DNAH9: variants seen among roughly 807,000 people sequenced by gnomAD.
The protein encoded by DNAH9 is dynein axonemal heavy chain 9.
In DNAH9, 345 loss-of-function variants were observed where a neutral mutation model predicts 471.6. The ratio of observed to expected loss-of-function variants is 0.73; its 90% CI spans 0.67 to 0.80. The LOEUF is 0.80. Ranked by LOEUF, DNAH9 falls within the 30% of genes least tolerant of loss-of-function variation. The pLI is 0.00. For missense variants in DNAH9, 5,407 were observed against 5,609.2 expected (o/e 0.96, Z 1.15); for synonymous variants, 2,093 against 2,123.6 (o/e 0.99, Z 0.40).
chr17:11,859,493 T>C (rs1446301719), intron 50 of DNAH9, among the ~76,000 whole-genome samples: 4 of 152,044 alleles, frequency 2.6e-5, no homozygotes, highest in African/African-American at 7.3e-5. Flanking sequence ...TTCTATTACA[T>C]AGAGGCAGCT....
At chr17:11,963,212 A>C (rs375313607) in intron 68 of DNAH9, among the ~76,000 whole-genome samples, 4 of 152,274 alleles carry the variant, frequency 2.6e-5, no homozygotes, top group African/African-American at 9.6e-5. Flanking sequence ...AGGCGGGCAG[A>C]TCACCTGAGG....
At chr17:11,684,164 T>G (rs2074192241) in intron 19 of DNAH9, among the ~76,000 whole-genome samples, 1 of 152,254 alleles carries the variant, frequency 6.6e-6, no homozygotes, top group Admixed American at 6.5e-5. Flanking sequence ...CCCTGGTACA[T>G]TTCTCTGTGG....
chr17:11,636,298 C>T (rs1597415184), intron 8 of DNAH9, among the ~76,000 whole-genome samples: 1 of 152,222 alleles, frequency 6.6e-6, no homozygotes, highest in East Asian at 1.9e-4. Context: ...GCCACCGCGC[C>T]TGGCCTGTTC....
intron 48 of DNAH9, among the ~76,000 whole-genome samples, chr17:11,834,064 C>T (rs1477492081): frequency 2.0e-5 from 3 of 151,718 alleles, no homozygotes; most frequent in Admixed American, 2.0e-4. Context: ...TGTGGTGGCT[C>T]ATGCCTGTAA....
chr17:11,817,164 G>A (rs1161702682), intron 45 of DNAH9, among the ~76,000 whole-genome samples: 1 of 152,146 alleles, frequency 6.6e-6, no homozygotes, highest in Non-Finnish European at 1.5e-5. Flanking sequence ...ATCCCCTCTG[G>A]CAGTTCAGTT....
intron 39 of DNAH9, 129 bp from the exon 40 acceptor site, chr17:11,783,517 G>A (rs1353915461): frequency 5.5e-5 from 33 of 596,456 alleles, no homozygotes; most frequent in Non-Finnish European, 2.1e-5. Flanking sequence ...CTCAATCCCT[G>A]CCGGTGGATC....
chr17:11,908,343 GAGACACATAGTGA>G, intron 61 of DNAH9, among the ~76,000 whole-genome samples: 1 of 152,146 alleles, frequency 6.6e-6, no homozygotes, highest in Non-Finnish European at 1.5e-5. Context: ...ACATATCAAT[GAGACACATAGTGA>G]AGTTTCCATT....
At chr17:11,665,948 A>G (rs191074999) in intron 15 of DNAH9, among the ~76,000 whole-genome samples, 300 of 152,316 alleles carry the variant, frequency 2.0e-3, no homozygotes, top group Middle Eastern at 6.8e-3. Flanking sequence ...TGTAGCCCCA[A>G]TGGCCATCCC....
chr17:11,812,245 C>A (rs1969955401), intron 45 of DNAH9, among the ~76,000 whole-genome samples: 1 of 151,160 alleles, frequency 6.6e-6, no homozygotes, highest in African/African-American at 2.4e-5. Context: ...TGTTCCTGAA[C>A]AAAATTTCTG....
rs1225835348 is a variant in DNAH9, at chr17:11,854,587, A to G, written c.9933+159A>G. On this transcript the variant is annotated intron_variant, in intron 50 of 68. Coordinates refer to ENST00000262442, the MANE Select transcript of DNAH9 (RefSeq NM_001372.4). ...TTTTTCAGTAGAGGCAACTTTTTACATTTCTTTCTCAAACACTGTATAGGC... is the reference window on the plus strand; with the variant it reads ...TTTTTCAGTAGAGGCAACTTTTTACGTTTCTTTCTCAAACACTGTATAGGC... Among the ~76,000 whole-genome samples the G allele has an allele frequency of 7.2e-5, 11 of 152,124 alleles. 1 individual carries two copies. Among genetic ancestry groups the G allele is most frequent in the Admixed American group, 7.2e-4 (11 of 15,276 alleles).
At chr17:11,814,029 G>C (rs1206461021) in intron 45 of DNAH9, among the ~76,000 whole-genome samples, 10 of 152,206 alleles carry the variant, frequency 6.6e-5, no homozygotes, top group Non-Finnish European at 1.2e-4. Context: ...GCAACTGCTG[G>C]TGAAACTGTG....
In DNAH9 at chr17:11,680,740, G is replaced by T. The variant is rs747252427; in HGVS notation, c.3594G>T (p.Trp1198Cys). ...FKQLEELPEK[W>C]NNIKKVAITV... is the part of the protein sequence containing the mutation. ...CTTTGCAGGAGCTGCCTGAGAAATGGAACAACATAAAAAAGGTGGCCATTA... is the reference window on the plus strand; with the variant it reads ...CTTTGCAGGAGCTGCCTGAGAAATGTAACAACATAAAAAAGGTGGCCATTA... Residue 1198 changes from tryptophan (W) to cysteine (C), a missense_variant, in exon 19 of 69, where the codon TGG becomes TGT. Trp to Cys is a radical substitution (Grantham distance 215). Around this residue, in one of 3 missense-constraint regions of DNAH9, gnomAD observed 4,636 missense variants for 4,900.3 expected, o/e 0.95. Transcript: ENST00000262442. 3 of 1,614,008 alleles carry T rather than the reference G, an allele frequency of 1.9e-6. No individual in the cohort carries two copies. Among genetic ancestry groups the T allele is most frequent in the Non-Finnish European group, 2.5e-6 (3 of 1,179,964 alleles).
At chr17:11,929,127 C>T (rs902419216) in intron 62 of DNAH9, among the ~76,000 whole-genome samples, 4 of 150,976 alleles carry the variant, frequency 2.6e-5, no homozygotes, top group Non-Finnish European at 4.4e-5. Context: ...CTCCGACTCC[C>T]GGGTTCATGT....
chr17:11,780,950 C>T, intron 38 of DNAH9, 59 bp from the exon 39 acceptor site: 3 of 1,551,164 alleles, frequency 1.9e-6, no homozygotes, highest in Non-Finnish European at 2.6e-6. Flanking sequence ...TCTTTGCTGT[C>T]TCAGTACTGG....
Position 11,657,901 on chromosome 17 carries a change from T to C in DNAH9, c.2595+4899T>C, listed in dbSNP as rs190103116. 3.2e-3 allele frequency among the ~76,000 whole-genome samples: 487 copies of C among 152,212 alleles called. 1 individual carries two copies. Among genetic ancestry groups the C allele is most frequent in the Non-Finnish European group, 5.0e-3 (339 of 67,916 alleles). The stretch of plus-strand genomic sequence containing the variant: ...TACCAATGCCACTTGTTCTTGATTA[T>C]TGATCAAGAGAAAATTGATTATCAG... On this transcript the variant is annotated intron_variant, in intron 14 of 68. Coordinates refer to ENST00000262442, the MANE Select transcript of DNAH9 (RefSeq NM_001372.4).
intron 41 of DNAH9, among the ~76,000 whole-genome samples, chr17:11,791,876 A>C (rs1969078916): frequency 1.3e-5 from 2 of 152,168 alleles, no homozygotes; most frequent in South Asian, 4.1e-4. Context: ...TTGAAATATG[A>C]GTATGGCAAG....
chr17:11,764,271 T>G (rs1348416161), intron 36 of DNAH9, among the ~76,000 whole-genome samples: 1 of 152,162 alleles, frequency 6.6e-6, no homozygotes, highest in Admixed American at 6.6e-5. Flanking sequence ...TTTTCTTTAC[T>G]TATTTTTCTC....
intron 51 of DNAH9, among the ~76,000 whole-genome samples, chr17:11,869,538 A>G (rs1382517545): frequency 2.0e-5 from 3 of 151,920 alleles, no homozygotes; most frequent in African/African-American, 7.2e-5. Context: ...TGTATTGACC[A>G]GAGGAAACAT....
At chr17:11,772,235 T>TAATA (rs1968236962) in intron 38 of DNAH9, among the ~76,000 whole-genome samples, 1 of 141,778 alleles carries the variant, frequency 7.1e-6, no homozygotes, top group African/African-American at 2.9e-5. Flanking sequence ...AATAATAATT[T>TAATA]ATTCTAAAAT....
Sources: allele counts gnomAD v4.1 joint callset (sites outside exome capture counted in the v4.1 genomes callset), GRCh38; gene constraint gnomAD v4.1.1; regional missense constraint gnomAD v4.1.1; transcripts MANE v1.5; gene names NCBI Gene and HGNC (gene_info 2026-07-23, HGNC 2026-07-21).